ARHGAP9: variants seen among roughly 807,000 people sequenced by gnomAD.
ARHGAP9 encodes the protein Rho GTPase activating protein 9, also known as rho GTPase-activating protein 9.
A neutral mutation model predicts 87.3 loss-of-function variants in ARHGAP9; 76 were observed. The observed-to-expected ratio is 0.87, with a 90% CI of 0.72 to 1.05. The LOEUF is 1.05. Ranked by LOEUF, ARHGAP9 falls within the 50% of genes least tolerant of loss-of-function variation. The pLI is 0.00. For missense variants in ARHGAP9, 941 were observed against 960.5 expected (o/e 0.98, Z 0.27); for synonymous variants, 382 against 394.9 (o/e 0.97, Z 0.39).
In ARHGAP9 at chr12:57,475,302, C is replaced by A; in HGVS notation, c.1541G>T (p.Gly514Val). 6.3e-7 allele frequency: 1 copy of A among 1,594,882 alleles called. No homozygotes were observed. Among genetic ancestry groups the A allele is most frequent in the Non-Finnish European group, 8.5e-7 (1 of 1,170,032 alleles). ...CCCAGCCCCCTCACCTCGGAGCAGA[C>A]CCCGCTCCTGCAGGCTTTGTAAGGG... ...RPPLQSLQERGLLRDQVFGCQ... is the reference protein window; with the variant it reads ...RPPLQSLQERVLLRDQVFGCQ... The change falls in exon 12 of 18, where the codon GGT (glycine) becomes GTT (valine). Residue 514 changes from glycine to valine, a missense_variant. By Grantham distance (109) the Gly-to-Val change is moderately radical. Transcript: ENST00000393791.
At chr12:57,481,273 CAG>C (rs1166548120), upstream of ARHGAP9, among the ~76,000 whole-genome samples, 1 of 151,468 alleles carries the variant, frequency 6.6e-6, no homozygotes, top group Non-Finnish European at 1.5e-5. Context: ...TTTTTTGAGA[CAG>C]AGTCTTGCAC....
At chr12:57,477,972 TG>T (rs1874399474) in intron 3 of ARHGAP9, 4 of 1,224,018 alleles carry the variant, frequency 3.3e-6, no homozygotes, top group East Asian at 5.2e-5. Context: ...TTTTGTGGGG[TG>T]GGGGGAATGT....
chr12:57,483,723 T>C (rs1875194004), upstream of ARHGAP9, among the ~76,000 whole-genome samples: 1 of 152,116 alleles, frequency 6.6e-6, no homozygotes, highest in South Asian at 2.1e-4. Flanking sequence ...CACTGAGATC[T>C]CAGCTGAAAG....
At chr12:57,473,845 A>G (rs182354376) in intron 16 of ARHGAP9, 137 bp from the exon 17 acceptor site, 13 of 1,192,992 alleles carry the variant, frequency 1.1e-5, no homozygotes, top group East Asian at 5.1e-5. Flanking sequence ...ACATAGCCCA[A>G]CTATAGCCTC....
chr12:57,484,944 C>A (rs1198354295), intron 1 of ARHGAP9, among the ~76,000 whole-genome samples: 3 of 150,608 alleles, frequency 2.0e-5, no homozygotes, highest in Admixed American at 1.3e-4. Context: ...CTGCGCCCAG[C>A]GTATTTATTT....
At chr12:57,473,494 C>T in intron 17 of ARHGAP9, 109 bp downstream of exon 17, 1 of 917,514 alleles carries the variant, frequency 1.1e-6, no homozygotes, top group South Asian at 1.4e-5. Context: ...CCTCACCTGC[C>T]CATTAAACTT....
At position 57,479,159 on chromosome 12, in the gene ARHGAP9, A is replaced by G; in HGVS notation, c.248T>C (p.Met83Thr). 1.9e-6 allele frequency: 3 copies of G among 1,614,214 alleles called. No individual in the cohort carries two copies. Among genetic ancestry groups the G allele is most frequent in the Non-Finnish European group, 2.5e-6 (3 of 1,180,032 alleles). The change falls in exon 2 of 18, where the codon ATG (methionine) becomes ACG (threonine). Residue 83 changes from methionine (M) to threonine (T), a missense_variant. Coordinates refer to ENST00000393791, the MANE Select transcript of ARHGAP9 (RefSeq NM_032496.4). ...CTGGGAAGGGATGGATTCCTCTATCATATAGGCTGCTGGGACGAAGATGGG... is the reference window on the plus strand; with the variant it reads ...CTGGGAAGGGATGGATTCCTCTATCGTATAGGCTGCTGGGACGAAGATGGG... The part of the protein sequence containing the change: ...SRPIFVPAAY[M>T]IEESIPSQSP...
At chr12:57,488,545 C>T in intron 1 of ARHGAP9, 3 of 1,543,222 alleles carry the variant, frequency 1.9e-6, no homozygotes, top group East Asian at 2.4e-5. Context: ...CCCCCAGGCA[C>T]CCTTTTGTGT....
chr12:57,473,145 C>T (rs35945970), intron 17 of ARHGAP9, among the ~76,000 whole-genome samples: 12,262 of 152,166 alleles, frequency 0.081, 1,161 homozygotes, highest in African/African-American at 0.23. Context: ...AAGTCTTTGA[C>T]GGGCACGGTG....
upstream of ARHGAP9, among the ~76,000 whole-genome samples, chr12:57,483,268 C>T (rs987196565): frequency 2.6e-5 from 4 of 152,148 alleles, no homozygotes; most frequent in South Asian, 2.1e-4. Flanking sequence ...CTTGTTTCCT[C>T]GCCACCCACA....
intron 3 of ARHGAP9, 111 bp downstream of exon 3, chr12:57,478,429 T>G: frequency 9.2e-7 from 1 of 1,091,060 alleles, no homozygotes; most frequent in Non-Finnish European, 1.4e-6. Context: ...CCAAGCGTTA[T>G]CTTATTTATT....
At chr12:57,486,302 C>A (rs138012495) in intron 1 of ARHGAP9, among the ~76,000 whole-genome samples, 3 of 151,190 alleles carry the variant, frequency 2.0e-5, no homozygotes, top group African/African-American at 7.3e-5. Flanking sequence ...CGAAGTCTTG[C>A]TCTATTGTGC....
rs34133632 is a variant in ARHGAP9, at chr12:57,474,460, G to C, written c.1746C>G (p.Ser582=). The C allele has an allele frequency of 3.7e-6, 6 of 1,613,970 alleles. No individual in the cohort carries two copies. The highest frequency in any genetic ancestry group is 3.3e-5 in the Admixed American group (2 of 59,990). Residue 582 remains serine (S), a synonymous_variant, in exon 15 of 18, where the codon TCC becomes TCG. Coordinates refer to ENST00000393791, the MANE Select transcript of ARHGAP9 (RefSeq NM_032496.4). The part of the protein sequence containing the change: ...FLVDRERAVT[S]DGRYVFPEQP... ...GTTCTGGGAACACATACCTCCCATC[G>C]GAGGTGACCGCACGCTCTGCAACAT... is the stretch of plus-strand genomic sequence containing the variant.
At chr12:57,488,321 C>T (rs1565635893) in intron 1 of ARHGAP9, 1 of 901,542 alleles carries the variant, frequency 1.1e-6, no homozygotes, top group Non-Finnish European at 1.7e-6. Context: ...ACCACTTCTC[C>T]TATTATCCTT....
chr12:57,482,484 C>T (rs1430700354), upstream of ARHGAP9, among the ~76,000 whole-genome samples: 2 of 152,098 alleles, frequency 1.3e-5, no homozygotes, highest in Non-Finnish European at 2.9e-5. Flanking sequence ...TCGTGATCCA[C>T]CCGCCTCGGC....
chr12:57,488,355 C>G, intron 1 of ARHGAP9: 1 of 748,402 alleles, frequency 1.3e-6, no homozygotes, highest in South Asian at 1.8e-5. Context: ...CTTCTTCCCT[C>G]CCAGTCACAT....
At position 57,474,428 on chromosome 12, in the gene ARHGAP9, C is replaced by T; in HGVS notation, c.1778G>A (p.Gly593Glu). Residue 593 changes from glycine to glutamate, a missense_variant, in exon 15 of 18, where the codon GGA (glycine) becomes GAA (glutamate). Coordinates refer to ENST00000393791, the MANE Select transcript of ARHGAP9 (RefSeq NM_032496.4). ...AGGGTCTTCCATGTAAGTACCTTGT[C>T]CTGGCTGTTCTGGGAACACATACCT... Reference protein sequence around the residue: ...DGRYVFPEQPGQEGRLDLDST... With the variant: ...DGRYVFPEQPEQEGRLDLDST... 3 of 1,614,132 alleles carry T rather than the reference C, an allele frequency of 1.9e-6. No homozygotes were observed. The highest frequency in any genetic ancestry group is 2.5e-6 in the Non-Finnish European group (3 of 1,180,018).
At chr12:57,480,190 T>TC (rs932863180), upstream of ARHGAP9, 4 of 933,510 alleles carry the variant, frequency 4.3e-6, no homozygotes, top group Non-Finnish European at 5.1e-6. Context: ...TTCATGCTTT[T>TC]TTTTTTTTGA....
chr12:57,474,903 C>A lies in ARHGAP9; in HGVS notation c.1623G>T (p.Arg541=), dbSNP rs771400557. Residue 541 remains arginine (R), a synonymous_variant, in exon 13 of 18, where the codon CGG becomes CGT. Coordinates refer to ENST00000393791, the MANE Select transcript of ARHGAP9 (RefSeq NM_032496.4). ...TTTTATCCACAGCAGCAATGCAGAG[C>A]CGCAAAAAGCTGGGCACCGTGTCTC... ...REGDTVPSFL[R]LCIAAVDKRG... 6.2e-7 allele frequency: 1 copy of A among 1,614,156 alleles called. No individual in the cohort carries two copies. Among genetic ancestry groups the A allele is most frequent in the Admixed American group, 1.7e-5 (1 of 60,022 alleles).
Sources: gnomAD v4.1 joint callset for allele counts (sites outside exome capture counted in the v4.1 genomes callset) on GRCh38, gnomAD v4.1.1 for gene constraint, MANE v1.5 for transcripts, NCBI Gene and HGNC (gene_info 2026-07-23, HGNC 2026-07-21) for gene names.